SYNJ2BP: variants seen among roughly 807,000 people sequenced by gnomAD.
SYNJ2BP encodes the protein synaptojanin-2-binding protein.
Under a neutral mutation model 16.9 loss-of-function variants are expected in SYNJ2BP, and 10 were observed. That is an observed-to-expected ratio of 0.59 (90% CI 0.36 to 1.00). The LOEUF is 1.00. SYNJ2BP is among the 50% of genes least tolerant of loss of function. The pLI is 0.01. For synonymous variants in SYNJ2BP, 54 were observed against 68.4 expected (o/e 0.79, Z 1.04); for missense variants, 162 against 186.7 (o/e 0.87, Z 0.77).
At chr14:70,408,673 CA>C (rs71105711) in intron 1 of SYNJ2BP, among the ~76,000 whole-genome samples, 18 of 143,968 alleles carry the variant, frequency 1.3e-4, no homozygotes, top group South Asian at 2.3e-4. Flanking sequence ...AACTCCGTCT[CA>C]AAAAAAAAAA....
chr14:70,377,463 G>T (rs575535445), intron 2 of SYNJ2BP, among the ~76,000 whole-genome samples: 1 of 152,276 alleles, frequency 6.6e-6, no homozygotes, highest in East Asian at 1.9e-4. Flanking sequence ...TAAACACGCA[G>T]TGATAGCTGT....
chr14:70,416,522 C>G (rs1175308943), intron 1 of SYNJ2BP, among the ~76,000 whole-genome samples: 1 of 151,988 alleles, frequency 6.6e-6, no homozygotes, highest in Non-Finnish European at 1.5e-5. Context: ...ACCGTTTATG[C>G]TCCCATTTTA....
chr14:70,376,986 C>G (rs10150707), intron 2 of SYNJ2BP, among the ~76,000 whole-genome samples: 31,077 of 152,142 alleles, frequency 0.2, 4,135 homozygotes, highest in East Asian at 0.62. Context: ...ATGAATCTAC[C>G]AACACTTCTG....
At chr14:70,375,902 G>C in intron 2 of SYNJ2BP, 131 bp from the exon 3 acceptor site, 1 of 1,116,800 alleles carries the variant, frequency 9.0e-7, no homozygotes, top group Non-Finnish European at 1.2e-6. Context: ...TATGGGCAAA[G>C]TTACTTAGAG....
intron 2 of SYNJ2BP, among the ~76,000 whole-genome samples, chr14:70,380,093 G>A (rs1020299009): frequency 1.3e-5 from 2 of 152,152 alleles, no homozygotes; most frequent in African/African-American, 4.8e-5. Context: ...AGTTCTGTAA[G>A]TTAGGAACCC....
At position 70,395,879 on chromosome 14, in the gene SYNJ2BP, C is replaced by G. The variant is rs140819751; in HGVS notation, c.65-7273G>C. Among the ~76,000 whole-genome samples the G allele has an allele frequency of 5.3e-5, 8 of 152,294 alleles. No individual in the cohort carries two copies. The East Asian group carries it at 1.5e-3, about 29-fold the overall frequency. ...TAGGTACCCCATATAAGTAGAATCA[C>G]ACAATATTTGTTATTCTGTGTCTTG... On this transcript the variant is annotated intron_variant, in intron 1 of 3. Transcript: ENST00000256366.
intron 1 of SYNJ2BP, among the ~76,000 whole-genome samples, chr14:70,407,995 T>C (rs777129222): frequency 3.6e-4 from 55 of 152,182 alleles, no homozygotes; most frequent in Non-Finnish European, 6.2e-4. Flanking sequence ...CTGGTGTCAA[T>C]TGACTATTAT....
intron 1 of SYNJ2BP, among the ~76,000 whole-genome samples, chr14:70,398,533 C>G (rs55754533): frequency 0.015 from 2,330 of 152,294 alleles, 36 homozygotes; most frequent in South Asian, 0.036. Flanking sequence ...TGTGTACACA[C>G]TGGGCCGGGC....
Position 70,373,267 on chromosome 14 carries a change from G to C in SYNJ2BP, c.298-136C>G, listed in dbSNP as rs571098135. On this transcript the variant is annotated intron_variant, in intron 3 of 3. Transcript: ENST00000256366. ...AACCCCCAGCAATACCTAGCAGAAG[G>C]AGTCCTCTCTTTGTCCTGAGCTGAT... 1.0e-5 allele frequency: 12 copies of C among 1,166,388 alleles called. No individual in the cohort carries two copies. In the East Asian group the frequency reaches 3.0e-4, roughly 29 times the overall value. 72.3% of individuals were successfully genotyped at this position (1,166,388 alleles called of 1,614,324 possible).
At chr14:70,405,532 G>C (rs752234148) in intron 1 of SYNJ2BP, among the ~76,000 whole-genome samples, 5 of 152,034 alleles carry the variant, frequency 3.3e-5, no homozygotes, top group Non-Finnish European at 5.9e-5. Flanking sequence ...TTAAAAAACT[G>C]AGCATCAAAA....
chr14:70,402,141 G>A (rs1431833500), intron 1 of SYNJ2BP, among the ~76,000 whole-genome samples: 1 of 152,060 alleles, frequency 6.6e-6, no homozygotes, highest in Non-Finnish European at 1.5e-5. Context: ...GTTCCTCTCA[G>A]GTCTAAAACT....
intron 1 of SYNJ2BP, 53 bp from the exon 2 acceptor site, chr14:70,388,659 A>T (rs1204306008): frequency 7.0e-7 from 1 of 1,432,804 alleles, no homozygotes. Context: ...AAAGAAAGAG[A>T]TTAGAGAAGA....
intron 1 of SYNJ2BP, among the ~76,000 whole-genome samples, chr14:70,405,464 C>T (rs1888326533): frequency 6.6e-6 from 1 of 151,970 alleles, no homozygotes; most frequent in Non-Finnish European, 1.5e-5. Flanking sequence ...GAACATGAAT[C>T]TTATGAATTT....
intron 1 of SYNJ2BP, among the ~76,000 whole-genome samples, chr14:70,407,067 T>A (rs985733038): frequency 2.0e-5 from 3 of 152,160 alleles, no homozygotes; most frequent in Admixed American, 2.0e-4. Context: ...GCAAGCATTT[T>A]AAACATTTAT....
At chr14:70,412,321 C>A (rs1237410379) in intron 1 of SYNJ2BP, among the ~76,000 whole-genome samples, 1 of 152,042 alleles carries the variant, frequency 6.6e-6, no homozygotes, top group African/African-American at 2.4e-5. Flanking sequence ...ATTAACACAC[C>A]TGGGTTAAAA....
At chr14:70,396,770 T>C (rs1026740370) in intron 1 of SYNJ2BP, among the ~76,000 whole-genome samples, 2 of 152,218 alleles carry the variant, frequency 1.3e-5, no homozygotes, top group African/African-American at 4.8e-5. Flanking sequence ...TATTGGCCAT[T>C]GGCCATTTGT....
intron 1 of SYNJ2BP, among the ~76,000 whole-genome samples, chr14:70,402,056 C>A (rs1251871966): frequency 6.6e-6 from 1 of 152,144 alleles, no homozygotes; most frequent in Non-Finnish European, 1.5e-5. Context: ...CCTCAAGGAA[C>A]GCTGAAAAAA....
intron 1 of SYNJ2BP, among the ~76,000 whole-genome samples, chr14:70,413,460 G>A (rs1471974291): frequency 1.3e-5 from 2 of 152,198 alleles, no homozygotes; most frequent in Admixed American, 6.5e-5. Flanking sequence ...TCAACGTGGT[G>A]AAACCCTGTC....
chr14:70,373,727 T>C (rs61977543), intron 3 of SYNJ2BP, among the ~76,000 whole-genome samples: 11,376 of 152,212 alleles, frequency 0.075, 490 homozygotes, highest in Middle Eastern at 0.12. Flanking sequence ...GGTGAATCTA[T>C]ATGGAACAGA....
Sources: allele counts gnomAD v4.1 joint callset (sites outside exome capture counted in the v4.1 genomes callset), GRCh38; gene constraint gnomAD v4.1.1; transcripts MANE v1.5; gene names NCBI Gene and HGNC (gene_info 2026-07-23, HGNC 2026-07-21).